CADPS2: variants seen among roughly 807,000 people sequenced by gnomAD.
CADPS2 encodes the protein calcium-dependent secretion activator 2.
A neutral mutation model predicts 172.5 loss-of-function variants in CADPS2; 93 were observed. That is an observed-to-expected ratio of 0.54 (90% confidence interval 0.46 to 0.64). The LOEUF is 0.64. Among genes scored for constraint, CADPS2 ranks in the 30% least tolerant of loss-of-function variants. The pLI is 0.00. For synonymous variants in CADPS2, 546 were observed against 555.2 expected (o/e 0.98, Z 0.23); for missense variants, 1,420 against 1,565.9 (o/e 0.91, Z 1.57).
At position 122,554,267 on chromosome 7, in the gene CADPS2, C is replaced by A. The variant is rs73717679; in HGVS notation, c.1475+283G>T. On this transcript the variant is annotated intron_variant, in intron 8 of 29. Transcript: ENST00000449022. ...GAATGTTTCTTAGAAGGTATCAGTG[C>A]CCTGGTGCCCTGTATCAATATGACT... 3.9e-3 allele frequency among the ~76,000 whole-genome samples: 587 copies of A among 152,184 alleles called. 5 individuals are homozygous for A. Among genetic ancestry groups the A allele is most frequent in the African/African-American group, 0.014 (561 of 41,552 alleles).
In CADPS2 at chr7:122,514,825, A is replaced by C. The variant is rs940278327; in HGVS notation, c.1476-1510T>G. Among the ~76,000 whole-genome samples, 7 of 152,338 alleles carry C rather than the reference A, an allele frequency of 4.6e-5. No individual in the cohort carries two copies. The South Asian group carries it at 8.3e-4, about 18-fold the overall frequency. Reference sequence around the variant, plus strand: ...ATGAAATTATGTTTTTGATAAAATTAATAACATAGAAAGTATCACATTGTG... The same window carrying C: ...ATGAAATTATGTTTTTGATAAAATTCATAACATAGAAAGTATCACATTGTG... On this transcript the variant is annotated intron_variant, in intron 8 of 29. Transcript: ENST00000449022.
At chr7:122,711,910 C>T (rs777581270) in intron 2 of CADPS2, among the ~76,000 whole-genome samples, 13 of 152,096 alleles carry the variant, frequency 8.5e-5, no homozygotes, top group Non-Finnish European at 1.3e-4. Flanking sequence ...CTCAGCCTCT[C>T]AAAGTGCTGG....
intron 2 of CADPS2, among the ~76,000 whole-genome samples, chr7:122,671,163 A>T (rs755207078): frequency 5.9e-5 from 9 of 152,170 alleles, no homozygotes; most frequent in Non-Finnish European, 1.2e-4. Context: ...TTTAAGTAAA[A>T]AATTTAATTC....
chr7:122,767,614 C>G lies in CADPS2; in HGVS notation c.340-30546G>C, dbSNP rs563583630. ...GCCCTAATTCTGCTCAGCTGGCACACCCTTTGTGCCTTTCTCTCACTCCCC... is the reference window on the plus strand; with the variant it reads ...GCCCTAATTCTGCTCAGCTGGCACAGCCTTTGTGCCTTTCTCTCACTCCCC... On this transcript the variant is annotated intron_variant, in intron 1 of 29. Transcript: ENST00000449022. Among the ~76,000 whole-genome samples, 7 of 152,208 alleles carry G rather than the reference C, an allele frequency of 4.6e-5. No individual in the cohort carries two copies. The South Asian group carries it at 1.0e-3, about 23-fold the overall frequency.
intron 3 of CADPS2, among the ~76,000 whole-genome samples, chr7:122,636,462 G>GTTTTT (rs66587423): frequency 6.0e-5 from 6 of 100,186 alleles, no homozygotes; most frequent in African/African-American, 8.1e-5. Flanking sequence ...CACAAGAGAT[G>GTTTTT]TTTTTTTTTT....
chr7:122,437,679 T>C (rs924486141), intron 17 of CADPS2, among the ~76,000 whole-genome samples: 5 of 152,204 alleles, frequency 3.3e-5, no homozygotes, highest in African/African-American at 1.2e-4. Context: ...TACTTTTAAT[T>C]ACATAAATTA....
chr7:122,719,591 T>C (rs2090122773), intron 2 of CADPS2, among the ~76,000 whole-genome samples: 1 of 152,264 alleles, frequency 6.6e-6, no homozygotes, highest in Middle Eastern at 3.4e-3. Context: ...TTCTTGAAGG[T>C]TCTTCACATC....
At chr7:122,549,913 T>G (rs1269153493) in intron 8 of CADPS2, among the ~76,000 whole-genome samples, 1 of 152,154 alleles carries the variant, frequency 6.6e-6, no homozygotes, top group Non-Finnish European at 1.5e-5. Flanking sequence ...CTGGACTCTT[T>G]GAGCAAATAC....
intron 27 of CADPS2, among the ~76,000 whole-genome samples, chr7:122,350,862 T>A (rs2038448668): frequency 6.6e-6 from 1 of 151,934 alleles, no homozygotes; most frequent in South Asian, 2.1e-4. Context: ...GGTGCATCCC[T>A]GTAGTCCCAG....
intron 14 of CADPS2, among the ~76,000 whole-genome samples, chr7:122,464,938 T>A (rs1374968578): frequency 6.6e-6 from 1 of 152,208 alleles, no homozygotes; most frequent in Non-Finnish European, 1.5e-5. Context: ...GACAAATGTA[T>A]GACAATAACA....
At chr7:122,469,672 G>A (rs571068016) in intron 14 of CADPS2, among the ~76,000 whole-genome samples, 2 of 152,262 alleles carry the variant, frequency 1.3e-5, no homozygotes, top group East Asian at 3.9e-4. Context: ...ATTGTAGGCT[G>A]AGAAATGGCA....
intron 3 of CADPS2, among the ~76,000 whole-genome samples, chr7:122,653,508 CTTTTT>C (rs1420049085): frequency 6.6e-6 from 1 of 152,192 alleles, no homozygotes; most frequent in Non-Finnish European, 1.5e-5. Flanking sequence ...CTTATCTTTT[CTTTTT>C]AACCTTTGTT....
In CADPS2 at chr7:122,325,595, T is replaced by C. The variant is rs769759990; in HGVS notation, c.3613-14A>G. On this transcript the variant is annotated splice_polypyrimidine_tract_variant and intron_variant, in intron 28 of 29. Transcript: ENST00000449022. ...GCTGTACCATTGCTAGAAGGGAGAA[T>C]TGGGGCACAGGGGAGGAGAACAAAA... 6 of 1,564,586 alleles carry C rather than the reference T, an allele frequency of 3.8e-6. No individual in the cohort carries two copies. Among genetic ancestry groups the C allele is most frequent in the Admixed American group, 1.7e-5 (1 of 58,312 alleles).
intron 17 of CADPS2, among the ~76,000 whole-genome samples, chr7:122,417,840 G>C (rs538547387): frequency 1.3e-5 from 2 of 152,320 alleles, no homozygotes; most frequent in Admixed American, 1.3e-4. Context: ...CTGGGGAAGA[G>C]GAGGAGGAAT....
chr7:122,863,922 C>T (rs186419477), intron 1 of CADPS2, among the ~76,000 whole-genome samples: 11 of 152,012 alleles, frequency 7.2e-5, no homozygotes, highest in African/African-American at 2.4e-4. Context: ...CCTAGCTACT[C>T]GGGAGGCTGA....
chr7:122,593,865 G>A (rs1194362740), intron 6 of CADPS2, among the ~76,000 whole-genome samples: 8 of 151,850 alleles, frequency 5.3e-5, no homozygotes, highest in Non-Finnish European at 1.5e-5. Flanking sequence ...GAAATGAGAT[G>A]ATTAATGAAA....
intron 8 of CADPS2, among the ~76,000 whole-genome samples, chr7:122,529,957 T>C (rs991020148): frequency 6.6e-6 from 1 of 152,122 alleles, no homozygotes; most frequent in Admixed American, 6.6e-5. Flanking sequence ...CTTCCTTTGA[T>C]CTACAATTAG....
rs568572429 is a variant in CADPS2, at chr7:122,407,557, T to G, written c.2729A>C (p.Asn910Thr). The G allele has an allele frequency of 6.2e-7, 1 of 1,612,046 alleles. No individual in the cohort carries two copies. Among genetic ancestry groups the G allele is most frequent in the East Asian group, 2.2e-5 (1 of 44,852 alleles). Residue 910 changes from asparagine (N) to threonine (T), a missense_variant, in exon 20 of 30, where the codon AAT (asparagine) becomes ACT (threonine). By Grantham distance (65) the Asn-to-Thr change is moderately conservative. Coordinates refer to ENST00000449022, the MANE Select transcript of CADPS2 (RefSeq NM_017954.11). ...ATGCTCACTGTCATTTCGGAGGAAATTATTAAGCAGTTGGAAAAGAGGAAA... is the reference window on the plus strand; with the variant it reads ...ATGCTCACTGTCATTTCGGAGGAAAGTATTAAGCAGTTGGAAAAGAGGAAA... ...DSFPLFQLLN[N>T]FLRNDTLLCN...
chr7:122,787,300 C>G (rs1435003547), intron 1 of CADPS2, among the ~76,000 whole-genome samples: 3 of 152,178 alleles, frequency 2.0e-5, no homozygotes, highest in Non-Finnish European at 4.4e-5. Flanking sequence ...GTAAAAGTAT[C>G]ATGAACTTTT....
Sources: allele counts gnomAD v4.1 joint callset (sites outside exome capture counted in the v4.1 genomes callset), GRCh38; gene constraint gnomAD v4.1.1; transcripts MANE v1.5; gene names NCBI Gene and HGNC (gene_info 2026-07-23, HGNC 2026-07-21).